POC1B: variants seen among roughly 807,000 people sequenced by gnomAD.
POC1B encodes POC1 centriolar protein B, also known as POC1 centriolar protein homolog B.
A neutral mutation model predicts 60.6 loss-of-function variants in POC1B; 44 were observed. The observed-to-expected ratio is 0.73, with a 90% CI of 0.57 to 0.93. The LOEUF (loss-of-function observed/expected upper bound fraction) is 0.93, where lower values mean the gene tolerates loss of function less well. Among genes scored for constraint, POC1B ranks in the 40% least tolerant of loss-of-function variants. POC1B has a pLI of 0.00. For synonymous variants in POC1B, 180 were observed against 198.9 expected (o/e 0.90, Z 0.80); for missense variants, 555 against 572.3 (o/e 0.97, Z 0.31).
intron 11 of POC1B, among the ~76,000 whole-genome samples, chr12:89,423,886 A>G (rs1245763694): frequency 5.9e-5 from 9 of 152,170 alleles, no homozygotes; most frequent in Admixed American, 5.9e-4. Flanking sequence ...CTTCGGAGGG[A>G]CCCTAATGAG....
chr12:89,516,982 A>G (rs1340684209), intron 2 of POC1B, among the ~76,000 whole-genome samples: 2 of 152,182 alleles, frequency 1.3e-5, no homozygotes, highest in Non-Finnish European at 2.9e-5. Context: ...TTACATCTAC[A>G]AAGACTTTTT....
Position 89,501,926 on chromosome 12 carries a change from A to G in POC1B, c.101-4584T>C, listed in dbSNP as rs1440551371. 7 of 1,115,130 alleles carry G rather than the reference A, an allele frequency of 6.3e-6. No individual in the cohort carries two copies. In the East Asian group the frequency reaches 1.6e-4, roughly 26 times the overall value. 69.1% of individuals were successfully genotyped at this position (1,115,130 alleles called of 1,614,324 possible). A position where few individuals can be genotyped will look rare whatever the true frequency, so the allele number is the denominator to read the frequency against. On this transcript the variant is annotated intron_variant, in intron 2 of 11. Transcript: ENST00000313546. Reference sequence around the variant, plus strand: ...TCTGGAGGTATCATTGGTCATGATGAAATTTCCAGTTGTTTCCTGAGTGAG... The same window carrying G: ...TCTGGAGGTATCATTGGTCATGATGGAATTTCCAGTTGTTTCCTGAGTGAG...
chr12:89,435,599 A>G (rs1355141415), intron 10 of POC1B, among the ~76,000 whole-genome samples: 1 of 152,238 alleles, frequency 6.6e-6, no homozygotes, highest in Non-Finnish European at 1.5e-5. Context: ...ATATATTTTC[A>G]CGTGTAAAAT....
chr12:89,509,994 C>T (rs544659804), intron 2 of POC1B, among the ~76,000 whole-genome samples: 1 of 140,656 alleles, frequency 7.1e-6, no homozygotes, highest in East Asian at 2.1e-4. Context: ...TACAAGCATG[C>T]GCCACCACAC....
chr12:89,476,947 G>C (rs1300652939), intron 4 of POC1B, among the ~76,000 whole-genome samples: 1 of 152,164 alleles, frequency 6.6e-6, no homozygotes, highest in African/African-American at 2.4e-5. Flanking sequence ...GAAGCCAACA[G>C]CTCTTCAGTA....
At chr12:89,422,636 C>T (rs1880590206) in intron 11 of POC1B, among the ~76,000 whole-genome samples, 1 of 152,188 alleles carries the variant, frequency 6.6e-6, no homozygotes, top group African/African-American at 2.4e-5. Flanking sequence ...GTCATAGTGA[C>T]TCAATGTCTA....
Position 89,421,255 on chromosome 12 carries a change from A to G in POC1B, c.1335T>C (p.Thr445=). 5.7e-6 allele frequency: 9 copies of G among 1,589,784 alleles called. No individual in the cohort carries two copies. Among genetic ancestry groups the G allele is most frequent in the Non-Finnish European group, 7.7e-6 (9 of 1,161,978 alleles). Residue 445 remains threonine, a splice_region_variant and synonymous_variant, in exon 12 of 12, where the codon ACT becomes ACC. Transcript: ENST00000313546. ...IMEQLNVLTQ[T]VSILEQRLTL... is the part of the protein sequence containing the mutation. ...TCAGTCGCTGCTCCAAGATTGAAAC[A>G]GTCTGCAAAAAGGAGGATAAAATAA... is the stretch of plus-strand genomic sequence containing the variant.
chr12:89,502,477 G>A, intron 2 of POC1B: 1 of 1,147,224 alleles, frequency 8.7e-7, no homozygotes, highest in East Asian at 2.5e-5. Context: ...TATTGGAAAA[G>A]TTGACAAAAA....
At chr12:89,439,547 G>C (rs1439518915) in intron 10 of POC1B, among the ~76,000 whole-genome samples, 6 of 152,142 alleles carry the variant, frequency 3.9e-5, no homozygotes. Context: ...CTTAGGTGAT[G>C]CTCAAGCACA....
At chr12:89,421,556 G>A (rs1339707337) in intron 11 of POC1B, among the ~76,000 whole-genome samples, 1 of 152,174 alleles carries the variant, frequency 6.6e-6, no homozygotes, top group Non-Finnish European at 1.5e-5. Flanking sequence ...CAAAACCAGG[G>A]AAGAGGCCAC....
intron 10 of POC1B, among the ~76,000 whole-genome samples, chr12:89,455,160 C>G (rs1240195822): frequency 1.3e-5 from 2 of 152,018 alleles, no homozygotes; most frequent in African/African-American, 4.8e-5. Context: ...ATGGTGAAAC[C>G]CTGTCTGTAC....
At position 89,442,847 on chromosome 12, in the gene POC1B, T is replaced by C. The variant is rs187216401; in HGVS notation, c.1113+16791A>G. On this transcript the variant is annotated intron_variant, in intron 10 of 11. Transcript: ENST00000313546. ...AGTCAAGACCCATCAGTGTGCTGTA[T>C]TCAGGAGACCCATCTCATGTGCAGA... is the stretch of plus-strand genomic sequence containing the variant. Among the ~76,000 whole-genome samples, 524 of 152,268 alleles carry C rather than the reference T, an allele frequency of 3.4e-3. 4 individuals carry two copies. Among genetic ancestry groups the C allele is most frequent in the Non-Finnish European group, 4.3e-3 (290 of 68,022 alleles).
intron 4 of POC1B, among the ~76,000 whole-genome samples, chr12:89,486,210 A>C (rs1868624649): frequency 6.6e-6 from 1 of 152,248 alleles, no homozygotes; most frequent in African/African-American, 2.4e-5. Context: ...GCCTGGCAAG[A>C]GAATACAACA....
At chr12:89,410,678 CAAAAAAA>C in the POC1B span, among the ~76,000 whole-genome samples, 4 of 134,906 alleles carry the variant, frequency 3.0e-5, no homozygotes, top group African/African-American at 1.1e-4. Context: ...GACTCCGTCT[CAAAAAAA>C]AAAAAAAGGA....
At chr12:89,480,602 T>G (rs1419035000) in intron 4 of POC1B, among the ~76,000 whole-genome samples, 5 of 137,800 alleles carry the variant, frequency 3.6e-5, no homozygotes, top group Admixed American at 2.2e-4. Flanking sequence ...TGTATTTTTT[T>G]TTTTTTTTTT....
chr12:89,441,112 C>A (rs148209484), intron 10 of POC1B, among the ~76,000 whole-genome samples: 1 of 152,324 alleles, frequency 6.6e-6, no homozygotes, highest in Non-Finnish European at 1.5e-5. Flanking sequence ...AACAAAGTTG[C>A]CAGGAAGCTC....
intron 11 of POC1B, 126 bp from the exon 12 acceptor site, chr12:89,421,383 A>T: frequency 1.4e-6 from 1 of 710,542 alleles, no homozygotes; most frequent in Admixed American, 2.5e-5. Context: ...AAGTTGGCTC[A>T]AAAATGAGCC....
chr12:89,524,902 C>T, intron 2 of POC1B: 1 of 737,976 alleles, frequency 1.4e-6, no homozygotes, highest in Non-Finnish European at 2.2e-6. Context: ...GCCCAGACCG[C>T]TGGATAGGAG....
chr12:89,470,502 G>C lies in POC1B; in HGVS notation c.677-8C>G, dbSNP rs1882848849. On this transcript the variant is annotated splice_polypyrimidine_tract_variant and splice_region_variant and intron_variant, in intron 6 of 11. Coordinates refer to ENST00000313546, the MANE Select transcript of POC1B (RefSeq NM_172240.3). ...TAACTCCACCGCTGTGAACTGATTT[G>C]TAGAAAATAAAAGCAAAAAGTTCAG... 1.2e-5 allele frequency: 19 copies of C among 1,584,972 alleles called. No homozygotes were observed. Among genetic ancestry groups the C allele is most frequent in the Non-Finnish European group, 1.6e-5 (19 of 1,160,350 alleles).
Sources: gnomAD v4.1 joint callset for allele counts (sites outside exome capture counted in the v4.1 genomes callset) on GRCh38, gnomAD v4.1.1 for gene constraint, MANE v1.5 for transcripts, NCBI Gene and HGNC (gene_info 2026-07-23, HGNC 2026-07-21) for gene names.